Variants in HAUS4 observed in about 807,000 individuals in gnomAD.
HAUS4 encodes the protein HAUS augmin like complex subunit 4.
In HAUS4, 34 loss-of-function variants were observed where a neutral mutation model predicts 50.6. The observed-to-expected ratio is 0.67, with a 90% CI of 0.51 to 0.90. HAUS4 has a LOEUF of 0.90. Ranked by LOEUF, HAUS4 falls within the 40% of genes least tolerant of loss-of-function variation. The pLI is 0.00. For synonymous variants in HAUS4, 149 were observed against 161.4 expected (o/e 0.92, Z 0.58); for missense variants, 370 against 428.7 (o/e 0.86, Z 1.21).
chr14:22,951,582 G>A lies in HAUS4; in HGVS notation c.438C>T (p.Asp146=). Residue 146 remains aspartate (D), a synonymous_variant, in exon 5 of 10, where the codon GAC becomes GAT. Coordinates refer to ENST00000541587, the MANE Select transcript of HAUS4 (RefSeq NM_001166269.2). ...IPPLLGLEKA[D]LLELMPLSED... ...CTGAGAGTGGCATGAGTTCCAGAAG[G>A]TCCGCTTTCTCCAGCCCCAGCAGTG... is the stretch of plus-strand genomic sequence containing the variant. 6.2e-7 allele frequency: 1 copy of A among 1,613,956 alleles called. No homozygotes were observed. Among genetic ancestry groups the A allele is most frequent in the Non-Finnish European group, 8.5e-7 (1 of 1,179,938 alleles).
chr14:22,949,822 G>C (rs982289633), intron 6 of HAUS4, among the ~76,000 whole-genome samples: 1 of 151,868 alleles, frequency 6.6e-6, no homozygotes, highest in Non-Finnish European at 1.5e-5. Flanking sequence ...TGAATAAAAA[G>C]AGTCCTTACA....
At chr14:22,949,850 C>T (rs2044718649) in intron 6 of HAUS4, among the ~76,000 whole-genome samples, 1 of 151,992 alleles carries the variant, frequency 6.6e-6, no homozygotes, top group Admixed American at 6.6e-5. Flanking sequence ...TTGTTTTGGC[C>T]GGGTGTGGTG....
At chr14:22,950,272 C>T in intron 6 of HAUS4, 42 bp downstream of exon 6, 1 of 1,101,300 alleles carries the variant, frequency 9.1e-7, no homozygotes, top group Non-Finnish European at 1.4e-6. Context: ...GACCAGGAAC[C>T]CTGAAGTCCA....
chr14:22,952,561 G>A lies in HAUS4; in HGVS notation c.178C>T (p.Leu60=), dbSNP rs375602983. 2.5e-6 allele frequency: 4 copies of A among 1,613,286 alleles called. No individual in the cohort carries two copies. In the East Asian group the frequency reaches 6.7e-5, roughly 27 times the overall value. ...HVDESGLSLT[L]AKEQAQAWKE... ...CTTACCTGAGCCTGCTCCTTTGCTAGGGTGAGGCTTAAGCCACTCTCATCC... is the reference window on the plus strand; with the variant it reads ...CTTACCTGAGCCTGCTCCTTTGCTAAGGTGAGGCTTAAGCCACTCTCATCC... Residue 60 remains leucine (L), a synonymous_variant, in exon 3 of 10, where the codon CTA becomes TTA. Transcript: ENST00000541587.
At chr14:22,954,417 T>C (rs941745804) in intron 2 of HAUS4, 7 of 152,172 alleles carry the variant, frequency 4.6e-5, no homozygotes, top group African/African-American at 7.2e-5. Flanking sequence ...ATCTGAGATA[T>C]GGAAAGAACT....
At chr14:22,950,517 A>G (rs528886824) in intron 5 of HAUS4, 107 bp from the exon 6 acceptor site, 1 of 625,012 alleles carries the variant, frequency 1.6e-6, no homozygotes, top group Non-Finnish European at 2.9e-6. Flanking sequence ...AAGAAAATGC[A>G]TCAAGAGACA....
intron 9 of HAUS4, 51 bp downstream of exon 9, chr14:22,947,120 A>C (rs778448571): frequency 2.3e-5 from 27 of 1,152,106 alleles, no homozygotes; most frequent in Middle Eastern, 1.9e-4. Context: ...GAGTTTAGGG[A>C]ATGTGAGAAC....
rs565392692 is a variant in HAUS4 at position 22,950,136 on chromosome 14, A to C, written c.562+178T>G. 3.5e-3 allele frequency among the ~76,000 whole-genome samples: 529 copies of C among 152,076 alleles called. 2 individuals are homozygous for C. Among genetic ancestry groups the C allele is most frequent in the South Asian group, 5.6e-3 (27 of 4,824 alleles). On this transcript the variant is annotated intron_variant, in intron 6 of 9. Coordinates refer to ENST00000541587, the MANE Select transcript of HAUS4 (RefSeq NM_001166269.2). Reference sequence around the variant, plus strand: ...GGAGCAAAACGCCATCTCAAAAAAAAAAAAAAACAAAAAAACAAAAAGTCC... The same window carrying C: ...GGAGCAAAACGCCATCTCAAAAAAACAAAAAAACAAAAAAACAAAAAGTCC...
chr14:22,947,420 A>G (rs2044664880), intron 8 of HAUS4, 181 bp from the exon 9 acceptor site: 1 of 751,812 alleles, frequency 1.3e-6, no homozygotes, highest in Non-Finnish European at 2.2e-6. Flanking sequence ...GAAGACTGTA[A>G]AAGAAAAGTC....
At chr14:22,952,162 C>T (rs532598938) in intron 4 of HAUS4, among the ~76,000 whole-genome samples, 166 bp downstream of exon 4, 1 of 152,288 alleles carries the variant, frequency 6.6e-6, no homozygotes, top group Non-Finnish European at 1.5e-5. Flanking sequence ...GGATTACAGG[C>T]GTGTGCCACT....
At chr14:22,954,964 A>G (rs2044831941) in intron 2 of HAUS4, 136 bp downstream of exon 2, 1 of 713,600 alleles carries the variant, frequency 1.4e-6, no homozygotes, top group African/African-American at 1.8e-5. Context: ...TGACCTCGTG[A>G]TCCACCCACC....
chr14:22,951,382 G>A, intron 5 of HAUS4, 173 bp downstream of exon 5: 1 of 675,722 alleles, frequency 1.5e-6, no homozygotes, highest in South Asian at 1.6e-5. Context: ...GCTTCTAGAT[G>A]CAGTATTTCA....
At chr14:22,947,514 A>G in intron 8 of HAUS4, 87 bp downstream of exon 8, 1 of 1,426,954 alleles carries the variant, frequency 7.0e-7, no homozygotes. Flanking sequence ...GCGCTAGGAT[A>G]AGGGAGAGGA....
chr14:22,953,521 C>T (rs1014417930), intron 2 of HAUS4, among the ~76,000 whole-genome samples: 3 of 152,224 alleles, frequency 2.0e-5, no homozygotes, highest in Non-Finnish European at 4.4e-5. Context: ...TCTCGGCTCA[C>T]TGCAATTTCC....
At chr14:22,956,386 A>G (rs2044864230) in intron 1 of HAUS4, among the ~76,000 whole-genome samples, 1 of 152,242 alleles carries the variant, frequency 6.6e-6, no homozygotes, top group Admixed American at 6.5e-5. Flanking sequence ...TGTTTTAACA[A>G]TTCTGTTTAT....
At chr14:22,955,638 T>C (rs572116319) in intron 1 of HAUS4, 1 of 153,724 alleles carries the variant, frequency 6.5e-6, no homozygotes, top group South Asian at 2.0e-4. Flanking sequence ...TTTGTGCTTC[T>C]TTTTTTGTCT....
intron 2 of HAUS4, among the ~76,000 whole-genome samples, chr14:22,953,245 G>C (rs888686732): frequency 2.6e-5 from 4 of 151,324 alleles, no homozygotes; most frequent in Admixed American, 2.6e-4. Context: ...AACCTCCCCA[G>C]ATCAAGCGAT....
Position 22,951,548 on chromosome 14 carries a change from C to T in HAUS4, c.465+7G>A, listed in dbSNP as rs778106300. 22 of 1,613,578 alleles carry T rather than the reference C, an allele frequency of 1.4e-5. No individual in the cohort carries two copies. Among genetic ancestry groups the T allele is most frequent in the East Asian group, 2.2e-5 (1 of 44,896 alleles). ...CATTTATTTGGTTCCAATATCTCCC[C>T]GCCAACCTCTGAGAGTGGCATGAGT... On this transcript the variant is annotated splice_region_variant and intron_variant, in intron 5 of 9. Coordinates refer to ENST00000541587, the MANE Select transcript of HAUS4 (RefSeq NM_001166269.2).
At chr14:22,953,813 G>C (rs1594549049) in intron 2 of HAUS4, among the ~76,000 whole-genome samples, 1 of 145,188 alleles carries the variant, frequency 6.9e-6, no homozygotes, top group African/African-American at 2.6e-5. Context: ...TGTATTTTTA[G>C]TAGAGGCGGG....
Sources: allele counts gnomAD v4.1 joint callset (sites outside exome capture counted in the v4.1 genomes callset), GRCh38; gene constraint gnomAD v4.1.1; transcripts MANE v1.5; gene names NCBI Gene and HGNC (gene_info 2026-07-23, HGNC 2026-07-21).